The following ELL variants were observed in gnomAD, a reference collection of about 807,000 sequenced individuals.
The protein encoded by ELL is elongation factor for RNA polymerase II.
ELL carries 18 observed loss-of-function variants against 64.0 expected under a neutral mutation model. The observed-to-expected ratio is 0.28, with a 90% CI of 0.19 to 0.42. The LOEUF is 0.42. Among genes scored for constraint, ELL ranks in the 10% least tolerant of loss-of-function variants. ELL has a pLI of 1.00. For missense variants in ELL, 797 were observed against 870.4 expected (o/e 0.92, Z 1.06); for synonymous variants, 399 against 376.2 (o/e 1.06, Z -0.70).
chr19:18,500,198 G>A (rs976012989), intron 1 of ELL, among the ~76,000 whole-genome samples: 2 of 150,718 alleles, frequency 1.3e-5, no homozygotes, highest in South Asian at 4.2e-4. Flanking sequence ...GGAGGCGGAG[G>A]TTGCAGTGAG....
intron 5 of ELL, 54 bp from the exon 6 acceptor site, chr19:18,458,383 C>T: frequency 6.3e-7 from 1 of 1,579,104 alleles, no homozygotes; most frequent in Non-Finnish European, 8.6e-7. Flanking sequence ...AGACGGGGGA[C>T]TAGAGAAAAA....
intron 6 of ELL, 133 bp downstream of exon 6, chr19:18,458,072 C>T: frequency 6.7e-7 from 1 of 1,493,826 alleles, no homozygotes; most frequent in Non-Finnish European, 8.9e-7. Flanking sequence ...GAGAGGCCTA[C>T]TTGGACCCTT....
At position 18,465,868 on chromosome 19, in the gene ELL, G is replaced by A. The variant is rs141951684; in HGVS notation, c.234C>T (p.Ser78=). The A allele has an allele frequency of 3.4e-4, 461 of 1,347,058 alleles. 2 individuals carry two copies. The highest frequency in any genetic ancestry group is 3.2e-4 in the Non-Finnish European group (338 of 1,040,418). 83.4% of individuals were successfully genotyped at this position (1,347,058 alleles called of 1,614,324 possible). The change falls in exon 3 of 12, where the codon TCC becomes TCT. Residue 78 remains serine, a synonymous_variant. Transcript: ENST00000262809. ...PDCPAEARTF[S]FYLSNIGRDN... The stretch of plus-strand genomic sequence containing the variant: ...CGCGGCCGATGTTGGAGAGGTAGAA[G>A]GAGAACGTCCGCGCCTCTGCGGGGC...
rs576203537 is a variant in ELL, at chr19:18,443,114, G to A, written c.*1638C>T. 6.7e-4 allele frequency: 156 copies of A among 232,596 alleles called. No homozygotes were observed. The highest frequency in any genetic ancestry group is 2.0e-3 in the Admixed American group (35 of 17,770). 14.4% of individuals were successfully genotyped at this position (232,596 alleles called of 1,614,324 possible). A position where few individuals can be genotyped will look rare whatever the true frequency, so the allele number is the denominator to read the frequency against. On this transcript the variant is annotated 3_prime_UTR_variant, in exon 12 of 12. Coordinates refer to ENST00000262809, the MANE Select transcript of ELL (RefSeq NM_006532.4). ...CCTCCTGAAATCATCCCACCTCACC[G>A]GTGTCTGCAGGGCTGCCTGCGGGCG...
intron 5 of ELL, 64 bp from the exon 6 acceptor site, chr19:18,458,393 A>G: frequency 6.3e-7 from 1 of 1,575,386 alleles, no homozygotes; most frequent in Non-Finnish European, 8.6e-7. Context: ...CTAGAGAAAA[A>G]AGATCTGATA....
In ELL at chr19:18,449,550, T is replaced by A. The variant is rs1310096619; in HGVS notation, c.1465+927A>T. 6.6e-6 allele frequency among the ~76,000 whole-genome samples: 1 copy of A among 152,102 alleles called. No individual in the cohort carries two copies. The highest frequency in any genetic ancestry group is 1.5e-5 in the Non-Finnish European group (1 of 68,006). On this transcript the variant is annotated intron_variant, in intron 8 of 11. Transcript: ENST00000262809. The surrounding 1 kb of genome is among the most constrained non-coding windows in gnomAD (Gnocchi z 4.4). Reference sequence around the variant, plus strand: ...CACAGCAGGGGACGGGGCATGGCCCTCTGAGCAACGCAAAGCTATAATGAA... The same window carrying A: ...CACAGCAGGGGACGGGGCATGGCCCACTGAGCAACGCAAAGCTATAATGAA...
intron 1 of ELL, among the ~76,000 whole-genome samples, chr19:18,520,471 C>G (rs1342392629): frequency 6.6e-6 from 1 of 151,946 alleles, no homozygotes; most frequent in Non-Finnish European, 1.5e-5. Flanking sequence ...AAGGTGCGAA[C>G]TTGCTCTTTC....
intron 1 of ELL, among the ~76,000 whole-genome samples, chr19:18,488,414 A>T (rs1188961817): frequency 6.6e-6 from 1 of 152,270 alleles, no homozygotes; most frequent in Non-Finnish European, 1.5e-5. Flanking sequence ...TAGGAGCTGC[A>T]GAGGCAGCCT....
intron 1 of ELL, among the ~76,000 whole-genome samples, chr19:18,487,304 C>T (rs1041790343): frequency 1.3e-5 from 2 of 152,190 alleles, no homozygotes; most frequent in African/African-American, 2.4e-5. Context: ...ACAGAGCAAG[C>T]GTTACATATG....
At chr19:18,504,294 C>T (rs2144968169) in intron 1 of ELL, among the ~76,000 whole-genome samples, 1 of 152,224 alleles carries the variant, frequency 6.6e-6, no homozygotes, top group East Asian at 1.9e-4. Context: ...AGAGGCCACT[C>T]CTGCTCTGTT....
Position 18,465,884 on chromosome 19 carries a change from T to A in ELL, c.218A>T (p.Glu73Val), listed in dbSNP as rs746560487. The A allele has an allele frequency of 1.5e-6, 2 of 1,328,810 alleles. No individual in the cohort carries two copies. 82.3% of individuals were successfully genotyped at this position (1,328,810 alleles called of 1,614,324 possible). Residue 73 changes from glutamate (E) to valine (V), a missense_variant, in exon 3 of 12, where the codon GAG (glutamate) becomes GTG (valine). Glu to Val is a moderately radical substitution (Grantham distance 121). Transcript: ENST00000262809. Reference protein sequence around the residue: ...ISIPQPDCPAEARTFSFYLSN... With the variant: ...ISIPQPDCPAVARTFSFYLSN... Reference sequence around the variant, plus strand: ...GAGGTAGAAGGAGAACGTCCGCGCCTCTGCGGGGCAGTCAGGCTGGGGGAT... The same window carrying A: ...GAGGTAGAAGGAGAACGTCCGCGCCACTGCGGGGCAGTCAGGCTGGGGGAT...
At chr19:18,445,130 G>C (rs1167714211) in intron 11 of ELL, 94 bp downstream of exon 11, 15 of 1,537,002 alleles carry the variant, frequency 9.8e-6, no homozygotes, top group Non-Finnish European at 1.3e-5. Context: ...CCACACCTTG[G>C]AAGTAGCGGG....
intron 6 of ELL, among the ~76,000 whole-genome samples, chr19:18,457,418 C>A (rs1974704467): frequency 6.6e-6 from 1 of 152,220 alleles, no homozygotes; most frequent in Admixed American, 6.5e-5. Flanking sequence ...GCCCCGCAGG[C>A]CCCTGACCTG....
At chr19:18,472,109 T>C (rs1437268580) in intron 2 of ELL, among the ~76,000 whole-genome samples, 1 of 152,000 alleles carries the variant, frequency 6.6e-6, no homozygotes, top group African/African-American at 2.4e-5. Flanking sequence ...ATTATAGGCA[T>C]GCACCACCAC....
intron 1 of ELL, among the ~76,000 whole-genome samples, chr19:18,488,840 G>C (rs1002481743): frequency 2.6e-5 from 4 of 152,194 alleles, no homozygotes; most frequent in Non-Finnish European, 5.9e-5. Flanking sequence ...CTCCCAAAAT[G>C]ACGAGGCAAT....
rs1207188074 is a variant in ELL, at chr19:18,444,633, A to C, written c.*119T>G. The C allele has an allele frequency of 8.6e-7, 1 of 1,159,602 alleles. No homozygotes were observed. The highest frequency in any genetic ancestry group is 1.6e-5 in the African/African-American group (1 of 64,350). 71.8% of individuals were successfully genotyped at this position (1,159,602 alleles called of 1,614,324 possible). Reference sequence around the variant, plus strand: ...CCAGACGTCTGCAGGGGCTGCCCTGAAAGCCGGCGGTGCTGGCTCAGATGA... The same window carrying C: ...CCAGACGTCTGCAGGGGCTGCCCTGCAAGCCGGCGGTGCTGGCTCAGATGA... On this transcript the variant is annotated 3_prime_UTR_variant, in exon 12 of 12. Coordinates refer to ENST00000262809, the MANE Select transcript of ELL (RefSeq NM_006532.4).
At chr19:18,516,010 G>A (rs773102351) in intron 1 of ELL, among the ~76,000 whole-genome samples, 1 of 152,198 alleles carries the variant, frequency 6.6e-6, no homozygotes. Context: ...ACTAGCACTA[G>A]GTCTCTAAAG....
chr19:18,481,277 T>C (rs982064899), intron 1 of ELL, among the ~76,000 whole-genome samples: 1 of 152,186 alleles, frequency 6.6e-6, no homozygotes, highest in African/African-American at 2.4e-5. Context: ...CATAAACTTG[T>C]GGCTTAAAAC....
At chr19:18,461,241 G>A (rs1233829194) in intron 5 of ELL, among the ~76,000 whole-genome samples, 2 of 151,522 alleles carry the variant, frequency 1.3e-5, no homozygotes, top group Non-Finnish European at 3.0e-5. Context: ...CAGGCCTTGA[G>A]TCCACAAATC....
Sources: gnomAD v4.1 joint callset for allele counts (sites outside exome capture counted in the v4.1 genomes callset) on GRCh38, gnomAD v4.1.1 for gene constraint, Gnocchi (gnomAD v3.1) non-coding constraint, MANE v1.5 for transcripts, NCBI Gene and HGNC (gene_info 2026-07-23, HGNC 2026-07-21) for gene names.